Variants in DIS3L2 observed in about 807,000 individuals in gnomAD.
DIS3L2 encodes the protein DIS3-like exonuclease 2.
Under a neutral mutation model 97.5 loss-of-function variants are expected in DIS3L2, and 34 were observed. The observed-to-expected ratio is 0.35, with a 90% CI of 0.27 to 0.46. The LOEUF (loss-of-function observed/expected upper bound fraction) is 0.46, where lower values mean the gene tolerates loss of function less well. Ranked by LOEUF, DIS3L2 falls within the 20% of genes least tolerant of loss-of-function variation. The probability of loss-of-function intolerance (pLI) is 1.00; values close to 1 mark genes in which losing one functional copy is unlikely to be tolerated. For missense variants in DIS3L2, 1,038 were observed against 1,146.0 expected, an observed-to-expected ratio of 0.91 and a Z score of 1.36; for synonymous variants, 435 against 445.2, an observed-to-expected ratio of 0.98 and a Z score of 0.29.
At chr2:232,156,080 C>T (rs1018243902) in intron 8 of DIS3L2, among the ~76,000 whole-genome samples, 1 of 152,020 alleles carries the variant, frequency 6.6e-6, no homozygotes. Context: ...ATGCCTGGAA[C>T]TCCTTGGTCT....
chr2:232,306,345 C>T (rs1483855919), intron 14 of DIS3L2, among the ~76,000 whole-genome samples: 1 of 152,194 alleles, frequency 6.6e-6, no homozygotes, highest in East Asian at 1.9e-4. Flanking sequence ...TCTTCAGTTC[C>T]ATGGCCAGGT....
intron 9 of DIS3L2, among the ~76,000 whole-genome samples, chr2:232,194,456 G>A (rs1337773956): frequency 6.6e-6 from 1 of 152,176 alleles, no homozygotes; most frequent in Non-Finnish European, 1.5e-5. Context: ...TGTTAATGAA[G>A]CTAAGTCACA....
intron 1 of DIS3L2, among the ~76,000 whole-genome samples, chr2:232,011,639 C>T (rs1029611019): frequency 6.6e-6 from 1 of 151,494 alleles, no homozygotes; most frequent in Non-Finnish European, 1.5e-5. Context: ...AGGCGTGAGC[C>T]ACTGTGCCTG....
At chr2:231,989,486 A>T (rs1232097542) in intron 1 of DIS3L2, among the ~76,000 whole-genome samples, 1 of 152,092 alleles carries the variant, frequency 6.6e-6, no homozygotes, top group Admixed American at 6.6e-5. Flanking sequence ...TACCTCATGG[A>T]TGTTTTAAAA....
chr2:232,149,639 T>C (rs1690340336), intron 8 of DIS3L2, among the ~76,000 whole-genome samples: 1 of 106,290 alleles, frequency 9.4e-6, no homozygotes, highest in Non-Finnish European at 1.8e-5. Flanking sequence ...CTATTGTGAA[T>C]AGTGCCGCAA....
At chr2:232,079,559 C>CA (rs1423956646) in intron 5 of DIS3L2, among the ~76,000 whole-genome samples, 2 of 137,388 alleles carry the variant, frequency 1.5e-5, no homozygotes, top group Non-Finnish European at 3.0e-5. Flanking sequence ...GAGATTGCGC[C>CA]ACTGCACTCC....
chr2:232,025,216 G>A (rs1694624576), intron 4 of DIS3L2, among the ~76,000 whole-genome samples: 1 of 152,002 alleles, frequency 6.6e-6, no homozygotes, highest in African/African-American at 2.4e-5. Flanking sequence ...GGGACCAGAG[G>A]TATTTTGGAT....
At chr2:232,218,355 T>C (rs1223749883) in intron 10 of DIS3L2, among the ~76,000 whole-genome samples, 2 of 152,164 alleles carry the variant, frequency 1.3e-5, no homozygotes, top group Non-Finnish European at 2.9e-5. Context: ...CTCAGGTATG[T>C]CTGGGTTTGA....
intron 7 of DIS3L2, among the ~76,000 whole-genome samples, chr2:232,135,789 G>A (rs1176648777): frequency 6.6e-6 from 1 of 152,116 alleles, no homozygotes; most frequent in Non-Finnish European, 1.5e-5. Context: ...CTGGTGGGAT[G>A]TCGGCAAGCT....
At chr2:232,027,814 A>T (rs1453663076) in intron 4 of DIS3L2, among the ~76,000 whole-genome samples, 1 of 152,166 alleles carries the variant, frequency 6.6e-6, no homozygotes, top group Non-Finnish European at 1.5e-5. Context: ...GAGGTTCTCA[A>T]TAAAAATGAA....
chr2:232,044,098 G>A (rs1164408690), intron 5 of DIS3L2, among the ~76,000 whole-genome samples: 1 of 152,086 alleles, frequency 6.6e-6, no homozygotes, highest in African/African-American at 2.4e-5. Flanking sequence ...GGCCAGGCTG[G>A]CAGATGGAGA....
rs2106357419 is a variant in DIS3L2 at position 232,336,582 on chromosome 2, G to A, written c.2610G>A (p.Lys870=). 2 of 1,608,494 alleles carry A rather than the reference G, an allele frequency of 1.2e-6. No homozygotes were observed. Among genetic ancestry groups the A allele is most frequent in the South Asian group, 1.1e-5 (1 of 91,032 alleles). The change falls in exon 21 of 21, where the codon AAG becomes AAA. Residue 870 remains lysine (K), a synonymous_variant. Coordinates refer to ENST00000325385, the MANE Select transcript of DIS3L2 (RefSeq NM_152383.5). ...CCCAGGGCCACCTGGGCCCTGAGAAGGAGGAGGAGGAGTCTGACGGTGAGC... is the reference window on the plus strand; with the variant it reads ...CCCAGGGCCACCTGGGCCCTGAGAAAGAGGAGGAGGAGTCTGACGGTGAGC... ...PGTQGHLGPE[K]EEEESDGEPE... is the part of the protein sequence containing the mutation.
intron 6 of DIS3L2, among the ~76,000 whole-genome samples, chr2:232,101,112 G>A (rs1697191030): frequency 1.3e-5 from 2 of 151,676 alleles, no homozygotes; most frequent in African/African-American, 4.8e-5. Context: ...CACCCCTGTT[G>A]CCCTAGCTAC....
intron 1 of DIS3L2, among the ~76,000 whole-genome samples, chr2:231,968,477 G>T (rs1364320685): frequency 1.3e-5 from 2 of 152,190 alleles, no homozygotes; most frequent in Non-Finnish European, 2.9e-5. Context: ...CACACAATAT[G>T]TAGTTATCCT....
intron 5 of DIS3L2, among the ~76,000 whole-genome samples, chr2:232,066,006 T>A (rs1464799536): frequency 6.6e-6 from 1 of 151,952 alleles, no homozygotes; most frequent in Non-Finnish European, 1.5e-5. Flanking sequence ...TGTATATGTA[T>A]ATATTTTTTA....
intron 1 of DIS3L2, among the ~76,000 whole-genome samples, chr2:231,962,520 C>T (rs979888141): frequency 4.0e-5 from 6 of 151,558 alleles, no homozygotes; most frequent in Admixed American, 1.3e-4. Flanking sequence ...CTGCAAGCTC[C>T]GCCTCCTGGG....
At chr2:232,079,695 C>T (rs560015317) in intron 5 of DIS3L2, among the ~76,000 whole-genome samples, 2 of 149,888 alleles carry the variant, frequency 1.3e-5, no homozygotes, top group Non-Finnish European at 3.0e-5. Context: ...ATTTCAGTTA[C>T]TGTGATCAGG....
intron 13 of DIS3L2, among the ~76,000 whole-genome samples, chr2:232,283,855 G>A (rs1319732492): frequency 6.6e-6 from 1 of 152,106 alleles, no homozygotes; most frequent in Non-Finnish European, 1.5e-5. Flanking sequence ...AGATTGCCAT[G>A]GCAGTTACAC....
rs557174775 is a variant in DIS3L2, at chr2:232,268,439, G to A, written c.1659+4999G>A. On this transcript the variant is annotated intron_variant, in intron 13 of 20. Transcript: ENST00000325385. This position sits in a 1 kb window ranked among gnomAD's most constrained non-coding sequence, Gnocchi z 4.1. ...TCCAGCCTTTAAGGCAGGGATTGAC[G>A]GATATTTTCTGTAAAGGACCAGATA... Among the ~76,000 whole-genome samples, 29 of 152,240 alleles carry A rather than the reference G, an allele frequency of 1.9e-4. No homozygotes were observed. The highest frequency in any genetic ancestry group is 3.5e-4 in the Non-Finnish European group (24 of 68,028).
Sources: allele counts gnomAD v4.1 joint callset (sites outside exome capture counted in the v4.1 genomes callset), GRCh38; gene constraint gnomAD v4.1.1; non-coding constraint Gnocchi (gnomAD v3.1); transcripts MANE v1.5; gene names NCBI Gene and HGNC (gene_info 2026-07-23, HGNC 2026-07-21).